Variants in CTNND2 observed in about 807,000 individuals in gnomAD.
CTNND2 encodes catenin delta-2.
Under a neutral mutation model 144.4 loss-of-function variants are expected in CTNND2, and 22 were observed. That is an observed-to-expected ratio of 0.15 (90% CI 0.11 to 0.22). The LOEUF (loss-of-function observed/expected upper bound fraction) is 0.22. CTNND2 is among the 10% of genes least tolerant of loss of function. The pLI is 1.00. For synonymous variants in CTNND2, 751 were observed against 695.6 expected, an observed-to-expected ratio of 1.08 and a Z score of -1.25; for missense variants, 1,353 against 1,618.8, an observed-to-expected ratio of 0.84 and a Z score of 2.82.
At chr5:11,648,170 G>A (rs950058854) in intron 2 of CTNND2, among the ~76,000 whole-genome samples, 2 of 135,200 alleles carry the variant, frequency 1.5e-5, no homozygotes, top group African/African-American at 6.2e-5. Context: ...AGAGAACAGT[G>A]ACTTTTTTTT....
chr5:11,417,963 A>C (rs895497563), intron 3 of CTNND2, among the ~76,000 whole-genome samples: 9 of 152,210 alleles, frequency 5.9e-5, no homozygotes, highest in Admixed American at 3.3e-4. Context: ...AGGGGTCTTC[A>C]AAAAGTTTAT....
intron 2 of CTNND2, among the ~76,000 whole-genome samples, chr5:11,670,019 G>A (rs1340051522): frequency 6.6e-6 from 1 of 151,908 alleles, no homozygotes; most frequent in East Asian, 2.0e-4. Flanking sequence ...TCAGTAGTTA[G>A]TCAGGAGCAG....
intron 3 of CTNND2, among the ~76,000 whole-genome samples, chr5:11,417,860 C>G (rs994007309): frequency 1.3e-5 from 2 of 152,064 alleles, no homozygotes; most frequent in Non-Finnish European, 2.9e-5. Context: ...TTCTTGCCTA[C>G]ATTGTTGTAA....
intron 1 of CTNND2, among the ~76,000 whole-genome samples, chr5:11,771,846 G>A (rs1789960612): frequency 7.9e-6 from 1 of 126,822 alleles, no homozygotes; most frequent in Non-Finnish European, 1.5e-5. Context: ...TAGGATCATT[G>A]CCTTAAAGAC....
Position 11,365,114 on chromosome 5 carries a change from G to A in CTNND2, c.1178-224C>T, listed in dbSNP as rs9312763. On this transcript the variant is annotated intron_variant, in intron 7 of 21. Transcript: ENST00000304623. ...ATGATCTCACTCTAAAAATGACAAC[G>A]TTTCTGAGATAAACCCACATGGAAC... 4.8e-3 allele frequency among the ~76,000 whole-genome samples: 725 copies of A among 152,222 alleles called. 8 individuals carry two copies. The highest frequency in any genetic ancestry group is 0.017 in the African/African-American group (699 of 41,530).
At chr5:11,003,209 T>C (rs1003329439) in intron 18 of CTNND2, among the ~76,000 whole-genome samples, 1 of 152,130 alleles carries the variant, frequency 6.6e-6, no homozygotes, top group South Asian at 2.1e-4. Context: ...ACTTGAGATA[T>C]AAAGAAAAGT....
intron 14 of CTNND2, among the ~76,000 whole-genome samples, chr5:11,104,205 T>C (rs1324426015): frequency 2.0e-5 from 3 of 152,318 alleles, no homozygotes; most frequent in East Asian, 3.9e-4. Flanking sequence ...TTTTTTAAGA[T>C]ATTTCAGTGA....
At chr5:11,295,827 T>C (rs999684585) in intron 9 of CTNND2, among the ~76,000 whole-genome samples, 1 of 152,120 alleles carries the variant, frequency 6.6e-6, no homozygotes, top group Non-Finnish European at 1.5e-5. Flanking sequence ...TATACAAAAA[T>C]TAATTCAAGA....
At chr5:11,864,488 C>T (rs1201107864) in intron 1 of CTNND2, among the ~76,000 whole-genome samples, 1 of 152,156 alleles carries the variant, frequency 6.6e-6, no homozygotes, top group African/African-American at 2.4e-5. Context: ...CCTTTCTCCT[C>T]TAGAAAGGCC....
intron 1 of CTNND2, among the ~76,000 whole-genome samples, chr5:11,795,171 G>A (rs902088021): frequency 6.6e-6 from 1 of 152,138 alleles, no homozygotes; most frequent in Non-Finnish European, 1.5e-5. Flanking sequence ...CTCCAATGGA[G>A]GGCAAGTAAG....
chr5:11,795,236 AT>A (rs1460049514), intron 1 of CTNND2, among the ~76,000 whole-genome samples: 1 of 152,164 alleles, frequency 6.6e-6, no homozygotes, highest in Non-Finnish European at 1.5e-5. Flanking sequence ...GAATGTCTTT[AT>A]TTAGAAGGCC....
intron 2 of CTNND2, among the ~76,000 whole-genome samples, chr5:11,638,012 G>C (rs1392203138): frequency 2.0e-5 from 3 of 152,142 alleles, no homozygotes; most frequent in Non-Finnish European, 2.9e-5. Context: ...AATGGGAAAA[G>C]ATAACAGCCT....
intron 2 of CTNND2, among the ~76,000 whole-genome samples, chr5:11,683,421 CAT>C (rs1295477500): frequency 2.0e-5 from 3 of 152,168 alleles, no homozygotes; most frequent in African/African-American, 7.2e-5. Flanking sequence ...CACCTCAATT[CAT>C]AGTCCATAAT....
intron 3 of CTNND2, among the ~76,000 whole-genome samples, chr5:11,443,252 GC>G (rs1189569385): frequency 0.17 from 19,295 of 116,670 alleles, 2,286 homozygotes; most frequent in African/African-American, 0.4. Flanking sequence ...GTGTGTGTGT[GC>G]TGTGTGTGGT....
chr5:11,653,565 C>A (rs1782758251), intron 2 of CTNND2, among the ~76,000 whole-genome samples: 1 of 151,994 alleles, frequency 6.6e-6, no homozygotes. Context: ...TTACTTTGGT[C>A]ATTTTTAAAT....
rs544822012 is a variant in CTNND2, at chr5:11,557,582, GAATTTTCC to G, written c.287+7354_287+7361del. Among the ~76,000 whole-genome samples, 621 of 152,192 alleles carry G rather than the reference GAATTTTCC, an allele frequency of 4.1e-3. 3 individuals are homozygous for G. Among genetic ancestry groups the G allele is most frequent in the African/African-American group, 0.014 (586 of 41,532 alleles). On this transcript the variant is annotated intron_variant, in intron 3 of 21. Coordinates refer to ENST00000304623, the MANE Select transcript of CTNND2 (RefSeq NM_001332.4). ...TCTCTAGCTTCGAATTGAATTTTCT[GAATTTTCC>G]TTTGTCTCTGACCTCCAGACCCAGA...
At chr5:11,787,083 A>C (rs1026427378) in intron 1 of CTNND2, among the ~76,000 whole-genome samples, 11 of 152,226 alleles carry the variant, frequency 7.2e-5, no homozygotes, top group Non-Finnish European at 1.6e-4. Flanking sequence ...TGACACTAAT[A>C]TAAAAACTTC....
intron 12 of CTNND2, among the ~76,000 whole-genome samples, chr5:11,158,864 C>T (rs1044356745): frequency 2.6e-5 from 4 of 152,104 alleles, no homozygotes; most frequent in Non-Finnish European, 4.4e-5. Context: ...AACTTTGGTA[C>T]AAAATACAAC....
intron 8 of CTNND2, among the ~76,000 whole-genome samples, chr5:11,360,567 T>C (rs575124599): frequency 6.6e-6 from 1 of 152,284 alleles, no homozygotes; most frequent in Admixed American, 6.5e-5. Flanking sequence ...ATACCTTCCC[T>C]TGGTGTGATT....
Sources: gnomAD v4.1 joint callset for allele counts (sites outside exome capture counted in the v4.1 genomes callset) on GRCh38, gnomAD v4.1.1 for gene constraint, MANE v1.5 for transcripts, NCBI Gene and HGNC (gene_info 2026-07-23, HGNC 2026-07-21) for gene names.